The following COL5A2 variants were observed in gnomAD, a reference collection of about 807,000 sequenced individuals.
The protein encoded by COL5A2 is collagen alpha-2(V) chain.
Under a neutral mutation model 208.2 loss-of-function variants are expected in COL5A2, and 23 were observed. That is an observed-to-expected ratio of 0.11 (90% CI 0.08 to 0.16). COL5A2 has a LOEUF of 0.16. Among genes scored for constraint, COL5A2 ranks in the 10% least tolerant of loss-of-function variants. The probability of loss-of-function intolerance (pLI) is 1.00; values close to 1 mark genes in which losing one functional copy is unlikely to be tolerated. For synonymous variants in COL5A2, 625 were observed against 628.5 expected (o/e 0.99, Z 0.08); for missense variants, 1,590 against 1,956.4 (o/e 0.81, Z 3.53).
chr2:189,253,632 G>A, the COL5A2 span, among the ~76,000 whole-genome samples: 1 of 152,272 alleles, frequency 6.6e-6, no homozygotes, highest in Middle Eastern at 3.4e-3. Flanking sequence ...ATTTCCATCT[G>A]CTAAAATCCA....
the COL5A2 span, among the ~76,000 whole-genome samples, chr2:189,270,935 A>G: frequency 6.6e-6 from 1 of 152,132 alleles, no homozygotes; most frequent in African/African-American, 2.4e-5. Context: ...AATACCTAGG[A>G]ATACAACTTA....
intron 1 of COL5A2, among the ~76,000 whole-genome samples, chr2:189,207,014 A>G (rs1465497168): frequency 6.6e-6 from 1 of 152,234 alleles, no homozygotes; most frequent in African/African-American, 2.4e-5. Flanking sequence ...TAACAAATGT[A>G]CTTTTGTAAA....
intron 1 of COL5A2, among the ~76,000 whole-genome samples, chr2:189,165,816 A>G (rs1311954955): frequency 1.3e-5 from 2 of 152,218 alleles, no homozygotes; most frequent in Non-Finnish European, 2.9e-5. Flanking sequence ...AACTCTTGGG[A>G]AGCTCCCAAA....
intron 16 of COL5A2, among the ~76,000 whole-genome samples, chr2:189,076,510 T>G (rs573819208): frequency 9.8e-5 from 15 of 152,298 alleles, no homozygotes; most frequent in African/African-American, 3.6e-4. Context: ...GCATGGGTCT[T>G]GTATAGTGCA....
In COL5A2 at chr2:189,039,294, A is replaced by G. The variant is rs146371446; in HGVS notation, c.3903T>C (p.Leu1301=). Residue 1301 remains leucine (L), a synonymous_variant, in exon 51 of 54, where the codon CTT becomes CTC. Transcript: ENST00000374866. ...CACCACTCTGCTTTGCGGAATGGCA[A>G]AGCTTTAGGTCATCACACGTGCGGG... ...HPARTCDDLK[L]CHSAKQSGEY... is the part of the protein sequence containing the mutation. The G allele has an allele frequency of 9.3e-6, 15 of 1,613,896 alleles. No individual in the cohort carries two copies. The highest frequency in any genetic ancestry group is 1.3e-5 in the Non-Finnish European group (15 of 1,179,982).
the COL5A2 span, among the ~76,000 whole-genome samples, chr2:189,370,917 C>T: frequency 6.6e-6 from 1 of 152,156 alleles, no homozygotes; most frequent in Non-Finnish European, 1.5e-5. Context: ...AAATTTGTCT[C>T]CTCCAAATTT....
chr2:189,294,268 G>T, the COL5A2 span, among the ~76,000 whole-genome samples: 1 of 152,080 alleles, frequency 6.6e-6, no homozygotes, highest in Non-Finnish European at 1.5e-5. Flanking sequence ...GCTGTTAAGG[G>T]AACATAAAAT....
intron 1 of COL5A2, 91 bp from the exon 2 acceptor site, chr2:189,110,540 T>C: frequency 1.6e-6 from 2 of 1,220,756 alleles, no homozygotes; most frequent in South Asian, 2.5e-5. Flanking sequence ...TCTAAAAAAT[T>C]CTGGACTAAG....
At chr2:189,246,220 A>C in the COL5A2 span, among the ~76,000 whole-genome samples, 1 of 152,338 alleles carries the variant, frequency 6.6e-6, no homozygotes, top group South Asian at 2.1e-4. Flanking sequence ...AGATTATGAC[A>C]CGTTACACAT....
the COL5A2 span, among the ~76,000 whole-genome samples, chr2:189,395,730 C>A: frequency 6.7e-6 from 1 of 150,350 alleles, no homozygotes; most frequent in Non-Finnish European, 1.5e-5. Context: ...ATGGTGAAAC[C>A]CCGTCTCTAT....
Position 189,049,391 on chromosome 2 carries a change from C to G in COL5A2, c.3103G>C (p.Gly1035Arg). 6.2e-7 allele frequency: 1 copy of G among 1,613,622 alleles called. No homozygotes were observed. The highest frequency in any genetic ancestry group is 1.3e-5 in the African/African-American group (1 of 75,036). The change falls in exon 44 of 54, where the codon GGG becomes CGG. Residue 1035 changes from glycine to arginine, a missense_variant. Coordinates refer to ENST00000374866, the MANE Select transcript of COL5A2 (RefSeq NM_000393.5). ...ACAGGACCATTGGAGCCTGGGGGCC[C>G]CACAGGTCCAGGTGGACCTTTATCT... ...TGDKGPPGPV[G>R]PPGSNGPVGE... is the part of the protein sequence containing the mutation.
At chr2:189,108,619 G>A (rs1158675487) in intron 2 of COL5A2, among the ~76,000 whole-genome samples, 2 of 151,646 alleles carry the variant, frequency 1.3e-5, no homozygotes, top group South Asian at 2.1e-4. Flanking sequence ...CAGACATGTG[G>A]TTGCCATTTC....
the COL5A2 span, among the ~76,000 whole-genome samples, chr2:189,327,419 AAAG>A: frequency 2.0e-5 from 3 of 152,274 alleles, no homozygotes; most frequent in Non-Finnish European, 4.4e-5. Flanking sequence ...AAAGGGGGAG[AAAG>A]AAGAAGAAGA....
chr2:189,140,977 C>T (rs1429119719), intron 1 of COL5A2, among the ~76,000 whole-genome samples: 3 of 152,100 alleles, frequency 2.0e-5, no homozygotes, highest in African/African-American at 7.2e-5. Context: ...AAATTTTCAC[C>T]TTGCCCACTT....
In COL5A2 at chr2:189,084,021, T is replaced by C. The variant is rs754317036; in HGVS notation, c.815A>G (p.Asn272Ser). ...AAATCCCACTTCACCAGGATTTCCA[T>C]TTCTGCCAGGTTCACCCTTTATGGA... Reference protein sequence around the residue: ...KPGEDGEPGRNGNPGEVGFAG... With the variant: ...KPGEDGEPGRSGNPGEVGFAG... The change falls in exon 12 of 54, where the codon AAT becomes AGT. Residue 272 changes from asparagine (N) to serine (S), a missense_variant. Physicochemically the swap from Asn to Ser is conservative, Grantham distance 46. Coordinates refer to ENST00000374866, the MANE Select transcript of COL5A2 (RefSeq NM_000393.5). 6.2e-7 allele frequency: 1 copy of C among 1,613,568 alleles called. No homozygotes were observed. Among genetic ancestry groups the C allele is most frequent in the South Asian group, 1.1e-5 (1 of 91,074 alleles).
At chr2:189,241,958 G>C in the COL5A2 span, among the ~76,000 whole-genome samples, 1 of 152,158 alleles carries the variant, frequency 6.6e-6, no homozygotes, top group Non-Finnish European at 1.5e-5. Context: ...TTTGACCACA[G>C]TGAGGGTGAA....
At chr2:189,128,794 C>A (rs961298032) in intron 1 of COL5A2, among the ~76,000 whole-genome samples, 2 of 151,952 alleles carry the variant, frequency 1.3e-5, no homozygotes, top group East Asian at 3.9e-4. Flanking sequence ...TTCCTTACGT[C>A]CAGCTGTTAG....
the COL5A2 span, among the ~76,000 whole-genome samples, chr2:189,371,438 G>T: frequency 6.6e-6 from 1 of 152,164 alleles, no homozygotes; most frequent in Admixed American, 6.6e-5. Flanking sequence ...AGGGAAGTTT[G>T]GAACTTCTTA....
At chr2:189,285,391 G>C in the COL5A2 span, among the ~76,000 whole-genome samples, 1 of 152,052 alleles carries the variant, frequency 6.6e-6, no homozygotes, top group Non-Finnish European at 1.5e-5. Flanking sequence ...CACCTCCAGA[G>C]AAAGTTAAGA....
Sources: allele counts gnomAD v4.1 joint callset (sites outside exome capture counted in the v4.1 genomes callset), GRCh38; gene constraint gnomAD v4.1.1; transcripts MANE v1.5; gene names NCBI Gene and HGNC (gene_info 2026-07-23, HGNC 2026-07-21).